The following NEGR1 variants were observed in gnomAD, a reference collection of about 807,000 sequenced individuals.
The protein encoded by NEGR1 is IgLON family member 4.
NEGR1 carries 10 observed loss-of-function variants against 40.9 expected under a neutral mutation model. The observed-to-expected ratio is 0.24, with a 90% CI of 0.15 to 0.42. The LOEUF (loss-of-function observed/expected upper bound fraction) is 0.42. NEGR1 is among the 10% of genes least tolerant of loss of function. NEGR1 has a pLI of 1.00. For missense variants in NEGR1, 352 were observed against 438.9 expected (o/e 0.80, Z 1.77); for synonymous variants, 185 against 166.8 (o/e 1.11, Z -0.84).
chr1:71,983,441 T>C (rs1055782495), intron 1 of NEGR1, among the ~76,000 whole-genome samples: 3 of 152,202 alleles, frequency 2.0e-5, no homozygotes, highest in Non-Finnish European at 4.4e-5. Flanking sequence ...GAATTTTTTT[T>C]CTGACAGAAT....
chr1:71,767,848 G>A (rs1656185257), intron 3 of NEGR1, among the ~76,000 whole-genome samples: 1 of 152,202 alleles, frequency 6.6e-6, no homozygotes, highest in Non-Finnish European at 1.5e-5. Context: ...CTGCATCCCA[G>A]CAACTCCAGC....
At chr1:71,513,774 G>C (rs983297483) in intron 6 of NEGR1, among the ~76,000 whole-genome samples, 1 of 151,890 alleles carries the variant, frequency 6.6e-6, no homozygotes, top group African/African-American at 2.4e-5. Flanking sequence ...CGTGAGCGAC[G>C]CAGAAGACGG....
At chr1:72,260,784 C>T (rs920152658) in intron 1 of NEGR1, among the ~76,000 whole-genome samples, 3 of 152,074 alleles carry the variant, frequency 2.0e-5, no homozygotes, top group South Asian at 2.1e-4. Flanking sequence ...TTTCATCCTA[C>T]ATAAGGAAAC....
At chr1:71,770,834 AC>A (rs1429304423) in intron 3 of NEGR1, among the ~76,000 whole-genome samples, 18 of 152,328 alleles carry the variant, frequency 1.2e-4, no homozygotes, top group African/African-American at 3.8e-4. Flanking sequence ...AAATAGGAGC[AC>A]TTTTATACTG....
intron 1 of NEGR1, among the ~76,000 whole-genome samples, chr1:71,964,012 GTTCT>G (rs1646190026): frequency 6.6e-6 from 1 of 152,118 alleles, no homozygotes; most frequent in Non-Finnish European, 1.5e-5. Context: ...GAGGGGTGGT[GTTCT>G]TTCTGTCCTC....
At chr1:71,439,287 C>T (rs1457886304) in intron 6 of NEGR1, among the ~76,000 whole-genome samples, 8 of 152,126 alleles carry the variant, frequency 5.3e-5, no homozygotes. Flanking sequence ...TATTCAAGAA[C>T]GAGCAAAAGT....
intron 1 of NEGR1, among the ~76,000 whole-genome samples, chr1:71,967,075 A>G (rs1346907048): frequency 6.6e-6 from 1 of 152,180 alleles, no homozygotes; most frequent in African/African-American, 2.4e-5. Context: ...GAAAACCTAA[A>G]TGAGCTCTGA....
chr1:71,701,791 C>T (rs1170349846), intron 3 of NEGR1, among the ~76,000 whole-genome samples: 2 of 151,878 alleles, frequency 1.3e-5, no homozygotes, highest in East Asian at 1.9e-4. Context: ...AAGAAAGACA[C>T]GTGGTATAAT....
chr1:72,035,775 C>A (rs1245181382), intron 1 of NEGR1, among the ~76,000 whole-genome samples: 2 of 152,096 alleles, frequency 1.3e-5, no homozygotes, highest in African/African-American at 4.8e-5. Flanking sequence ...ATTAAATCTG[C>A]ACAAAAACTC....
intron 1 of NEGR1, among the ~76,000 whole-genome samples, chr1:72,057,940 A>G (rs1423564691): frequency 6.6e-6 from 1 of 151,530 alleles, no homozygotes; most frequent in African/African-American, 2.4e-5. Context: ...ATCCGCAAAC[A>G]TAGTCACATT....
chr1:72,226,629 C>A (rs536971891), intron 1 of NEGR1, among the ~76,000 whole-genome samples: 3 of 152,038 alleles, frequency 2.0e-5, no homozygotes, highest in South Asian at 4.1e-4. Context: ...TGGTGATAAC[C>A]ATCACTTACA....
At chr1:72,037,657 C>G (rs1413679770) in intron 1 of NEGR1, among the ~76,000 whole-genome samples, 1 of 152,060 alleles carries the variant, frequency 6.6e-6, no homozygotes, top group Non-Finnish European at 1.5e-5. Flanking sequence ...ATTTTATATT[C>G]AGAATTAAGC....
At chr1:71,431,321 A>G (rs1307246095) in intron 6 of NEGR1, among the ~76,000 whole-genome samples, 1 of 152,110 alleles carries the variant, frequency 6.6e-6, no homozygotes, top group Admixed American at 6.5e-5. Context: ...ATAGCTCCCA[A>G]TTTTTCTAGC....
intron 2 of NEGR1, among the ~76,000 whole-genome samples, chr1:71,934,413 T>C (rs1444082630): frequency 6.6e-6 from 1 of 152,106 alleles, no homozygotes; most frequent in Non-Finnish European, 1.5e-5. Flanking sequence ...GTAAATCAAA[T>C]ATAAACCATT....
At chr1:71,418,109 G>A (rs1386215630) in intron 6 of NEGR1, among the ~76,000 whole-genome samples, 7 of 142,440 alleles carry the variant, frequency 4.9e-5, no homozygotes, top group Non-Finnish European at 9.0e-5. Context: ...CCACTGTGAT[G>A]TTTTACTGGA....
At chr1:72,023,919 TATAGAC>T (rs952979441) in intron 1 of NEGR1, among the ~76,000 whole-genome samples, 8 of 152,152 alleles carry the variant, frequency 5.3e-5, no homozygotes, top group African/African-American at 1.9e-4. Context: ...TAATCACAGT[TATAGAC>T]AGAGGCATAG....
Position 71,572,353 on chromosome 1 carries a change from T to C in NEGR1, c.940+20464A>G, listed in dbSNP as rs535472983. Among the ~76,000 whole-genome samples the C allele has an allele frequency of 5.8e-4, 89 of 152,328 alleles. 1 individual carries two copies. Among genetic ancestry groups the C allele is most frequent in the Admixed American group, 5.8e-3 (88 of 15,302 alleles). ...AAACAGCTGAAACGTAAGGCTCTGT[T>C]CAGATCAAGACCACGTCATTATCAT... is the stretch of plus-strand genomic sequence containing the variant. On this transcript the variant is annotated intron_variant, in intron 6 of 6. Coordinates refer to ENST00000357731, the MANE Select transcript of NEGR1 (RefSeq NM_173808.3).
In NEGR1 at chr1:71,749,958, A is replaced by G. The variant is rs558923431; in HGVS notation, c.535+26214T>C. Among the ~76,000 whole-genome samples the G allele has an allele frequency of 1.5e-3, 222 of 151,598 alleles. 1 individual carries two copies. The highest frequency in any genetic ancestry group is 5.1e-3 in the African/African-American group (212 of 41,312). ...ATGCCTCACAAAGCTACAAAAATCA[A>G]TCTCTCCTGATGAAATGGTTTGCTC... On this transcript the variant is annotated intron_variant, in intron 3 of 6. Transcript: ENST00000357731.
intron 2 of NEGR1, among the ~76,000 whole-genome samples, chr1:71,885,459 TG>T (rs1660698997): frequency 6.6e-6 from 1 of 152,240 alleles, no homozygotes; most frequent in South Asian, 2.1e-4. Context: ...TTTGTTTGTT[TG>T]TTTTTTAGAG....
Sources: gnomAD v4.1 joint callset for allele counts (sites outside exome capture counted in the v4.1 genomes callset) on GRCh38, gnomAD v4.1.1 for gene constraint, MANE v1.5 for transcripts, NCBI Gene and HGNC (gene_info 2026-07-23, HGNC 2026-07-21) for gene names.